The following DLGAP1 variants were observed in gnomAD, a reference collection of about 807,000 sequenced individuals.
The protein encoded by DLGAP1 is DLG associated protein 1, also known as disks large-associated protein 1.
A neutral mutation model predicts 90.8 loss-of-function variants in DLGAP1; 11 were observed. The observed-to-expected ratio is 0.12, with a 90% CI of 0.08 to 0.20. The LOEUF (loss-of-function observed/expected upper bound fraction) is 0.20. DLGAP1 is among the 10% of genes least tolerant of loss of function. DLGAP1 has a pLI of 1.00. For missense variants in DLGAP1, 1,050 were observed against 1,333.8 expected (o/e 0.79, Z 3.31); for synonymous variants, 558 against 540.7 (o/e 1.03, Z -0.44).
intron 2 of DLGAP1, among the ~76,000 whole-genome samples, chr18:4,085,312 TTATATG>T (rs1568387150): frequency 2.0e-5 from 3 of 152,228 alleles, no homozygotes; most frequent in Non-Finnish European, 2.9e-5. Flanking sequence ...CAAGCAGTGA[TTATATG>T]CATTAGCATC....
chr18:4,343,839 T>C (rs2081253030), intron 1 of DLGAP1, among the ~76,000 whole-genome samples: 3 of 152,234 alleles, frequency 2.0e-5, no homozygotes, highest in Admixed American at 2.0e-4. Context: ...TTAAGATTTA[T>C]TTTAAATTAA....
intron 7 of DLGAP1, among the ~76,000 whole-genome samples, chr18:3,685,612 A>ATTATTTAT (rs148957263): frequency 6.9e-6 from 1 of 145,930 alleles, no homozygotes; most frequent in African/African-American, 2.6e-5. Context: ...GTACCCTTTA[A>ATTATTTAT]TTATTTATTT....
chr18:4,055,222 C>T (rs894932682), intron 2 of DLGAP1, among the ~76,000 whole-genome samples: 3 of 152,178 alleles, frequency 2.0e-5, no homozygotes, highest in African/African-American at 4.8e-5. Context: ...TCCAAGTTCA[C>T]CACAGCGGTT....
At chr18:4,083,454 G>C (rs1395864754) in intron 2 of DLGAP1, among the ~76,000 whole-genome samples, 2 of 151,828 alleles carry the variant, frequency 1.3e-5, no homozygotes, top group Non-Finnish European at 1.5e-5. Flanking sequence ...AAAACATTTT[G>C]GTACATATCA....
intron 1 of DLGAP1, among the ~76,000 whole-genome samples, chr18:4,281,665 T>C (rs1363018691): frequency 2.0e-5 from 3 of 152,172 alleles, no homozygotes; most frequent in African/African-American, 7.2e-5. Context: ...CAACACCAAG[T>C]GAAGAGAATA....
intron 7 of DLGAP1, among the ~76,000 whole-genome samples, chr18:3,700,657 T>C (rs991220433): frequency 1.3e-5 from 2 of 152,230 alleles, no homozygotes; most frequent in African/African-American, 4.8e-5. Flanking sequence ...TTGCCCAGGC[T>C]GGAGTGCAGT....
chr18:3,741,278 CCAT>C (rs1204750079), intron 6 of DLGAP1, among the ~76,000 whole-genome samples: 1 of 117,072 alleles, frequency 8.5e-6, no homozygotes, highest in African/African-American at 3.7e-5. Context: ...CACCACATCA[CCAT>C]CACCACCACC....
chr18:4,349,567 T>C (rs2081365765), intron 1 of DLGAP1, among the ~76,000 whole-genome samples: 1 of 152,028 alleles, frequency 6.6e-6, no homozygotes, highest in Admixed American at 6.6e-5. Context: ...AAAACTATGG[T>C]ATATTTACAA....
chr18:3,585,950 G>A (rs1376627738), intron 7 of DLGAP1, among the ~76,000 whole-genome samples: 1 of 152,202 alleles, frequency 6.6e-6, no homozygotes, highest in African/African-American at 2.4e-5. Flanking sequence ...GACTGACCTT[G>A]GGGACTGAGC....
At chr18:3,805,493 A>C (rs892162013) in intron 5 of DLGAP1, among the ~76,000 whole-genome samples, 2 of 152,216 alleles carry the variant, frequency 1.3e-5, no homozygotes, top group Non-Finnish European at 2.9e-5. Flanking sequence ...AAAATAGTAA[A>C]GCTGGAAGAG....
At chr18:4,206,769 C>T (rs1355433019) in intron 1 of DLGAP1, among the ~76,000 whole-genome samples, 1 of 152,192 alleles carries the variant, frequency 6.6e-6, no homozygotes, top group Non-Finnish European at 1.5e-5. Flanking sequence ...TACCTTCATT[C>T]ATCTCCATCA....
intron 7 of DLGAP1, among the ~76,000 whole-genome samples, chr18:3,685,991 T>A (rs566709764): frequency 2.6e-5 from 4 of 152,110 alleles, no homozygotes; most frequent in African/African-American, 9.6e-5. Context: ...CTGGCCAACA[T>A]GATGAGAGCC....
At chr18:3,505,132 G>GACCTAAGCAATGCCGCC (rs71159085) in intron 11 of DLGAP1, among the ~76,000 whole-genome samples, 1 of 151,908 alleles carries the variant, frequency 6.6e-6, no homozygotes, top group Non-Finnish European at 1.5e-5. Flanking sequence ...TGCAGCTGTG[G>GACCTAAGCAATGCCGCC]ACCAGGCCAC....
chr18:3,672,390 C>A (rs953819827), intron 7 of DLGAP1, among the ~76,000 whole-genome samples: 1 of 151,668 alleles, frequency 6.6e-6, no homozygotes, highest in East Asian at 1.9e-4. Context: ...CCAGCCTGGG[C>A]AATATGGAGA....
intron 8 of DLGAP1, among the ~76,000 whole-genome samples, chr18:3,569,713 G>A (rs2054653257): frequency 1.3e-5 from 2 of 151,780 alleles, no homozygotes; most frequent in Non-Finnish European, 2.9e-5. Context: ...TACCTCCCTT[G>A]GGTTATGAAT....
At position 3,752,894 on chromosome 18, in the gene DLGAP1, G is replaced by A. The variant is rs147647910; in HGVS notation, c.1173-10382C>T. ...TTGTATAGCTGAATAATATTGCACC[G>A]TATGAATATACACCAAAATCTGTCC... On this transcript the variant is annotated intron_variant, in intron 5 of 12. Transcript: ENST00000315677. 2.6e-5 allele frequency among the ~76,000 whole-genome samples: 4 copies of A among 152,120 alleles called. 1 individual carries two copies. Among genetic ancestry groups the A allele is most frequent in the African/African-American group, 9.6e-5 (4 of 41,494 alleles).
At chr18:4,381,842 A>C (rs972598280) in intron 1 of DLGAP1, among the ~76,000 whole-genome samples, 4 of 152,138 alleles carry the variant, frequency 2.6e-5, no homozygotes, top group Non-Finnish European at 5.9e-5. Flanking sequence ...GAGACTGGGT[A>C]ATTTATAAGA....
chr18:3,862,970 G>A (rs1202772999), intron 4 of DLGAP1, among the ~76,000 whole-genome samples: 2 of 152,172 alleles, frequency 1.3e-5, no homozygotes, highest in Non-Finnish European at 2.9e-5. Context: ...ATCACCACAG[G>A]GTATTACCTT....
chr18:3,512,782 C>G (rs1004484254), intron 10 of DLGAP1, among the ~76,000 whole-genome samples: 4 of 152,220 alleles, frequency 2.6e-5, no homozygotes, highest in African/African-American at 9.6e-5. Context: ...TTTGGGCTCT[C>G]TTCTCTCTAA....
Sources: allele counts gnomAD v4.1 joint callset (sites outside exome capture counted in the v4.1 genomes callset), GRCh38; gene constraint gnomAD v4.1.1; transcripts MANE v1.5; gene names NCBI Gene and HGNC (gene_info 2026-07-23, HGNC 2026-07-21).